Variants in OPCML observed in about 807,000 individuals in gnomAD.
The protein encoded by OPCML is opioid-binding protein/cell adhesion molecule.
A neutral mutation model predicts 37.8 loss-of-function variants in OPCML; 13 were observed. The observed-to-expected ratio is 0.34, with a 90% confidence interval of 0.22 to 0.55. The LOEUF is 0.55. OPCML is among the 20% of genes least tolerant of loss of function. The pLI, the probability that OPCML is intolerant of heterozygous loss-of-function variation, is 0.91. For missense variants in OPCML, 341 were observed against 435.6 expected (o/e 0.78, Z 1.93); for synonymous variants, 176 against 168.8 (o/e 1.04, Z -0.33).
intron 2 of OPCML, among the ~76,000 whole-genome samples, chr11:132,879,257 T>C (rs985163055): frequency 1.3e-5 from 2 of 152,124 alleles, no homozygotes; most frequent in African/African-American, 4.8e-5. Flanking sequence ...CAAAATATTC[T>C]TAGTAAAAGT....
chr11:132,656,249 C>T (rs1251873120), intron 3 of OPCML, among the ~76,000 whole-genome samples: 1 of 152,160 alleles, frequency 6.6e-6, no homozygotes, highest in African/African-American at 2.4e-5. Context: ...GGATTGCTGC[C>T]TTGCTTTAAA....
chr11:132,776,454 G>A lies in OPCML; in HGVS notation c.147-119135C>T, dbSNP rs181900712. On this transcript the variant is annotated intron_variant, in intron 2 of 7. Coordinates refer to ENST00000524381, the MANE Select transcript of OPCML (RefSeq NM_001012393.5). Reference sequence around the variant, plus strand: ...GTTGGAGGTGGGGCCTTTTGTGGGGGCTGATTGGATCATGGTGCAGATCCC... The same window carrying A: ...GTTGGAGGTGGGGCCTTTTGTGGGGACTGATTGGATCATGGTGCAGATCCC... 1.2e-4 allele frequency among the ~76,000 whole-genome samples: 18 copies of A among 152,272 alleles called. No homozygotes were observed. In the East Asian group the frequency reaches 3.3e-3, roughly 28 times the overall value.
intron 1 of OPCML, among the ~76,000 whole-genome samples, chr11:133,054,711 C>T (rs1591956083): frequency 6.6e-6 from 1 of 152,250 alleles, no homozygotes; most frequent in African/African-American, 2.4e-5. Context: ...GAGAGTCCAA[C>T]TGCCTCTTCT....
At chr11:132,675,553 TA>T (rs1043363647) in intron 2 of OPCML, among the ~76,000 whole-genome samples, 1 of 151,486 alleles carries the variant, frequency 6.6e-6, no homozygotes, top group Non-Finnish European at 1.5e-5. Context: ...TCCACCAAAA[TA>T]AAAAAACGCA....
At chr11:133,516,497 T>C (rs573167555) in intron 1 of OPCML, among the ~76,000 whole-genome samples, 51 of 152,194 alleles carry the variant, frequency 3.4e-4, no homozygotes, top group Non-Finnish European at 6.0e-4. Context: ...AGGAGAGGCA[T>C]CCACTCCCAG....
intron 2 of OPCML, among the ~76,000 whole-genome samples, chr11:132,852,280 T>A (rs951032922): frequency 2.6e-5 from 4 of 152,028 alleles, no homozygotes; most frequent in Non-Finnish European, 5.9e-5. Context: ...ACTGAAAAAA[T>A]TTTGTATGCT....
rs149426041 is a variant in OPCML at position 133,270,628 on chromosome 11, G to A, written c.61+261636C>T. Among the ~76,000 whole-genome samples, 1,274 of 152,308 alleles carry A rather than the reference G, an allele frequency of 8.4e-3. 21 individuals are homozygous for A. The highest frequency in any genetic ancestry group is 0.029 in the African/African-American group (1,199 of 41,556). On this transcript the variant is annotated intron_variant, in intron 1 of 7. Coordinates refer to ENST00000524381, the MANE Select transcript of OPCML (RefSeq NM_001012393.5). ...AATTCAACATGGAGGTACACTGGCT[G>A]ACAGAGTGGAAACACTGTAAACAGG... is the stretch of plus-strand genomic sequence containing the variant.
Position 133,173,763 on chromosome 11 carries a change from A to G in OPCML, c.62-230753T>C, listed in dbSNP as rs7106454. Among the ~76,000 whole-genome samples, 22,407 of 152,250 alleles carry G rather than the reference A, an allele frequency of 0.15. 1,900 individuals are homozygous for G. Among genetic ancestry groups the G allele is most frequent in the Middle Eastern group, 0.23 (69 of 294 alleles). On this transcript the variant is annotated intron_variant, in intron 1 of 7. Transcript: ENST00000524381. The surrounding 1 kb of genome is among the most constrained non-coding windows in gnomAD (Gnocchi z 7.8). Reference sequence around the variant, plus strand: ...AAGAATGCATAAGTAAAGAAAAAATAGAATTACGTTTTTCTCTTTTTCCCC... The same window carrying G: ...AAGAATGCATAAGTAAAGAAAAAATGGAATTACGTTTTTCTCTTTTTCCCC...
At chr11:133,058,571 T>C (rs1948282739) in intron 1 of OPCML, among the ~76,000 whole-genome samples, 1 of 152,152 alleles carries the variant, frequency 6.6e-6, no homozygotes, top group Admixed American at 6.5e-5. Context: ...TCCTAGAGCC[T>C]AGAGTATCAG....
intron 1 of OPCML, among the ~76,000 whole-genome samples, chr11:133,269,949 C>T (rs937587153): frequency 4.6e-5 from 7 of 152,054 alleles, no homozygotes; most frequent in South Asian, 2.1e-4. Context: ...ATTTTATTCT[C>T]GTAGCTAGAT....
chr11:133,082,056 G>A lies in OPCML; in HGVS notation c.62-139046C>T, dbSNP rs576408811. ...CTTCTAGCGCGCGTTCTTTACTGGCGCCATTCCTGCTGCTAAGAGCCCTGA... is the reference window on the plus strand; with the variant it reads ...CTTCTAGCGCGCGTTCTTTACTGGCACCATTCCTGCTGCTAAGAGCCCTGA... On this transcript the variant is annotated intron_variant, in intron 1 of 7. Coordinates refer to ENST00000524381, the MANE Select transcript of OPCML (RefSeq NM_001012393.5). Among the ~76,000 whole-genome samples the A allele has an allele frequency of 1.8e-4, 27 of 152,104 alleles. No individual in the cohort carries two copies. In the South Asian group the frequency reaches 3.7e-3, roughly 21 times the overall value.
At chr11:132,426,534 G>A (rs554908534) in intron 7 of OPCML, among the ~76,000 whole-genome samples, 5 of 152,254 alleles carry the variant, frequency 3.3e-5, no homozygotes, top group Admixed American at 6.5e-5. Flanking sequence ...TCAGGTTCAA[G>A]TGATTCTCCT....
At position 133,218,224 on chromosome 11, in the gene OPCML, T is replaced by C. The variant is rs1377621474; in HGVS notation, c.62-275214A>G. ...GGTGTAATCCAAATTGGAATCAAGT[T>C]AAGAAGCAGAGCTAAAAACCAATCT... is the stretch of plus-strand genomic sequence containing the variant. On this transcript the variant is annotated intron_variant, in intron 1 of 7. Coordinates refer to ENST00000524381, the MANE Select transcript of OPCML (RefSeq NM_001012393.5). Among the ~76,000 whole-genome samples the C allele has an allele frequency of 2.0e-5, 3 of 152,082 alleles. 1 individual carries two copies. The highest frequency in any genetic ancestry group is 4.4e-5 in the Non-Finnish European group (3 of 68,014).
Position 133,012,015 on chromosome 11 carries a change from T to C in OPCML, c.62-69005A>G, listed in dbSNP as rs983979632. 2.9e-4 allele frequency among the ~76,000 whole-genome samples: 44 copies of C among 152,190 alleles called. 1 individual carries two copies. Among genetic ancestry groups the C allele is most frequent in the African/African-American group, 9.2e-4 (38 of 41,438 alleles). ...TACAAAACAAATGGCTGACTGTGTTTGGATCATGAGCTATAGTTTGCTCAC... is the reference window on the plus strand; with the variant it reads ...TACAAAACAAATGGCTGACTGTGTTCGGATCATGAGCTATAGTTTGCTCAC... On this transcript the variant is annotated intron_variant, in intron 1 of 7. Coordinates refer to ENST00000524381, the MANE Select transcript of OPCML (RefSeq NM_001012393.5).
intron 1 of OPCML, among the ~76,000 whole-genome samples, chr11:133,326,089 C>A (rs993221546): frequency 2.0e-5 from 3 of 152,148 alleles, no homozygotes; most frequent in Admixed American, 6.5e-5. Flanking sequence ...CTCAGCAAAA[C>A]TGAGTGCAAT....
chr11:133,096,083 TTA>T (rs1180410169), intron 1 of OPCML, among the ~76,000 whole-genome samples: 11 of 151,940 alleles, frequency 7.2e-5, no homozygotes, highest in African/African-American at 2.7e-4. Flanking sequence ...ATCTAACAGA[TTA>T]TGTTTTTTTC....
chr11:132,735,478 ATTG>A (rs761937388), intron 2 of OPCML, among the ~76,000 whole-genome samples: 35 of 152,018 alleles, frequency 2.3e-4, no homozygotes, highest in African/African-American at 4.3e-4. Context: ...TCACAAAATA[ATTG>A]TTGTTGTTGT....
intron 2 of OPCML, among the ~76,000 whole-genome samples, chr11:132,780,548 C>A (rs1005383298): frequency 1.3e-5 from 2 of 152,142 alleles, no homozygotes; most frequent in Non-Finnish European, 2.9e-5. Flanking sequence ...AGGAAAGATA[C>A]CGATTAAAAA....
intron 1 of OPCML, among the ~76,000 whole-genome samples, chr11:133,101,622 G>C (rs1949086234): frequency 1.3e-5 from 2 of 152,152 alleles, no homozygotes; most frequent in Admixed American, 6.5e-5. Flanking sequence ...TTGCTGGTTG[G>C]AATGCAAAAT....
Sources: allele counts gnomAD v4.1 joint callset (sites outside exome capture counted in the v4.1 genomes callset), GRCh38; gene constraint gnomAD v4.1.1; non-coding constraint Gnocchi (gnomAD v3.1); transcripts MANE v1.5; gene names NCBI Gene and HGNC (gene_info 2026-07-23, HGNC 2026-07-21).